The following RAPGEF2 variants were observed in gnomAD, a reference collection of about 807,000 sequenced individuals.
The protein encoded by RAPGEF2 is Rap guanine nucleotide exchange factor 2.
Under a neutral mutation model 186.7 loss-of-function variants are expected in RAPGEF2, and 54 were observed. The ratio of observed to expected loss-of-function variants is 0.29; its 90% CI spans 0.23 to 0.36. The LOEUF (loss-of-function observed/expected upper bound fraction) is 0.36, where lower values mean the gene tolerates loss of function less well. RAPGEF2 is among the 10% of genes least tolerant of loss of function. The pLI, the probability that RAPGEF2 is intolerant of heterozygous loss-of-function variation, is 1.00. For synonymous variants in RAPGEF2, 712 were observed against 705.9 expected (o/e 1.01, Z -0.14); for missense variants, 1,532 against 2,045.0 (o/e 0.75, Z 4.84).
At chr4:159,161,163 A>G (rs1171122103) in intron 1 of RAPGEF2, among the ~76,000 whole-genome samples, 5 of 152,212 alleles carry the variant, frequency 3.3e-5, no homozygotes, top group Non-Finnish European at 7.3e-5. Flanking sequence ...GTCATCCTAA[A>G]GATTTTGAGA....
chr4:159,291,951 C>T (rs2110962514), intron 7 of RAPGEF2, among the ~76,000 whole-genome samples: 1 of 152,218 alleles, frequency 6.6e-6, no homozygotes, highest in African/African-American at 2.4e-5. Flanking sequence ...TTTTAATTGT[C>T]CATAATCCTA....
intron 7 of RAPGEF2, among the ~76,000 whole-genome samples, chr4:159,284,607 AC>A (rs1288031724): frequency 2.0e-5 from 3 of 152,068 alleles, no homozygotes; most frequent in Non-Finnish European, 2.9e-5. Context: ...ATTCCAATAG[AC>A]ACTTTATCCC....
chr4:159,295,728 TGTG>T (rs1761872832), intron 7 of RAPGEF2, among the ~76,000 whole-genome samples: 1 of 75,718 alleles, frequency 1.3e-5, no homozygotes, highest in Admixed American at 1.2e-4. Context: ...TGAGTGTGTG[TGTG>T]TGTGTGTGTG....
chr4:159,188,132 C>T (rs868108600), intron 2 of RAPGEF2, among the ~76,000 whole-genome samples: 5 of 152,110 alleles, frequency 3.3e-5, no homozygotes, highest in East Asian at 1.9e-4. Context: ...TATTTTGTGA[C>T]GACAACTTTG....
chr4:159,207,670 A>G (rs1182928005), intron 3 of RAPGEF2, among the ~76,000 whole-genome samples: 1 of 152,152 alleles, frequency 6.6e-6, no homozygotes, highest in Non-Finnish European at 1.5e-5. Flanking sequence ...AATCTACCTT[A>G]ATTTCCTATT....
In RAPGEF2 at chr4:159,199,165, A is replaced by G. The variant is rs564801827; in HGVS notation, c.197+5909A>G. Among the ~76,000 whole-genome samples, 29 of 152,228 alleles carry G rather than the reference A, an allele frequency of 1.9e-4. 1 individual carries two copies. In the South Asian group the frequency reaches 6.0e-3, roughly 32 times the overall value. Reference sequence around the variant, plus strand: ...TGGAATTGTAGGACACGGGTGCTCAACCACCTCGCCTGTATGTAAGTATGA... The same window carrying G: ...TGGAATTGTAGGACACGGGTGCTCAGCCACCTCGCCTGTATGTAAGTATGA... On this transcript the variant is annotated intron_variant, in intron 3 of 29. Coordinates refer to ENST00000691494, the MANE Select transcript of RAPGEF2 (RefSeq NM_001394067.2).
intron 24 of RAPGEF2, 102 bp from the exon 25 acceptor site, chr4:159,346,687 T>C (rs996150658): frequency 2.0e-6 from 2 of 980,524 alleles, no homozygotes; most frequent in Admixed American, 2.2e-5. Context: ...TAATTTAGTA[T>C]TCTAACTGCA....
intron 1 of RAPGEF2, among the ~76,000 whole-genome samples, chr4:159,172,246 T>C (rs1745986471): frequency 6.6e-6 from 1 of 152,186 alleles, no homozygotes; most frequent in African/African-American, 2.4e-5. Flanking sequence ...CTTCTTCCTG[T>C]ATGGGTCCTG....
At position 159,185,355 on chromosome 4, in the gene RAPGEF2, G is replaced by A. The variant is rs190036043; in HGVS notation, c.70-1287G>A. ...AGAATTCAAAATGGTGTTCAAACAA[G>A]AACTTACGCATGAGTTTGTAGCAGC... On this transcript the variant is annotated intron_variant, in intron 1 of 29. Coordinates refer to ENST00000691494, the MANE Select transcript of RAPGEF2 (RefSeq NM_001394067.2). Among the ~76,000 whole-genome samples, 329 of 152,230 alleles carry A rather than the reference G, an allele frequency of 2.2e-3. 2 individuals are homozygous for A. Among genetic ancestry groups the A allele is most frequent in the African/African-American group, 7.3e-3 (305 of 41,528 alleles).
intron 4 of RAPGEF2, 24 bp from the exon 5 acceptor site, chr4:159,238,785 G>A (rs1753602574): frequency 6.7e-7 from 1 of 1,489,630 alleles, no homozygotes; most frequent in Non-Finnish European, 8.9e-7. Context: ...TCTCCTCATT[G>A]ATTTTTTTTT....
rs115757964 is a variant in RAPGEF2 at position 159,129,564 on chromosome 4, C to T, written c.69+25333C>T. On this transcript the variant is annotated intron_variant, in intron 1 of 29. Transcript: ENST00000691494. The stretch of plus-strand genomic sequence containing the variant: ...GCATGAGGTACTATTATCAATTTAC[C>T]AATGAAGAAACTGAGATGCAGGGAT... 6.2e-3 allele frequency among the ~76,000 whole-genome samples: 942 copies of T among 152,212 alleles called. 3 individuals are homozygous for T. Among genetic ancestry groups the T allele is most frequent in the Middle Eastern group, 0.01 (3 of 294 alleles).
intron 28 of RAPGEF2, among the ~76,000 whole-genome samples, chr4:159,355,622 A>C (rs1177909839): frequency 1.3e-5 from 2 of 152,206 alleles, no homozygotes; most frequent in African/African-American, 2.4e-5. Context: ...TAGATGGACT[A>C]GCAGCTTCTC....
intron 25 of RAPGEF2, 47 bp downstream of exon 25, chr4:159,347,045 G>A (rs1274737822): frequency 3.3e-6 from 5 of 1,522,500 alleles, no homozygotes; most frequent in Non-Finnish European, 9.0e-7. Flanking sequence ...TCACTGTCAT[G>A]GTTTGCAAAT....
chr4:159,346,672 TG>T lies in RAPGEF2; in HGVS notation c.3503-116del, dbSNP rs1233289556. 8.4e-6 allele frequency: 7 copies of T among 828,594 alleles called. No homozygotes were observed. The African/African-American group carries it at 1.2e-4, about 14-fold the overall frequency. The allele number at this position is 828,594 out of a possible 1,614,324, so 51.3% of individuals were successfully genotyped here. A position where few individuals can be genotyped will look rare whatever the true frequency, so the allele number is the denominator to read the frequency against. Reference sequence around the variant, plus strand: ...CATAAAGGCAACAGGAAGAAAGGTGTGCATTAATTTAGTATTCTAACTGCAG... The same window carrying T: ...CATAAAGGCAACAGGAAGAAAGGTGTCATTAATTTAGTATTCTAACTGCAG... On this transcript the variant is annotated intron_variant, in intron 24 of 29. Coordinates refer to ENST00000691494, the MANE Select transcript of RAPGEF2 (RefSeq NM_001394067.2).
intron 1 of RAPGEF2, among the ~76,000 whole-genome samples, chr4:159,105,442 G>A (rs1351380060): frequency 6.6e-6 from 1 of 152,206 alleles, no homozygotes; most frequent in Non-Finnish European, 1.5e-5. Flanking sequence ...AGCCCCAAGA[G>A]TGGCACCTGG....
chr4:159,236,501 T>C (rs1360513671), intron 4 of RAPGEF2, among the ~76,000 whole-genome samples: 1 of 152,238 alleles, frequency 6.6e-6, no homozygotes, highest in African/African-American at 2.4e-5. Flanking sequence ...CTTTTGCTGC[T>C]AAAATTTGTA....
In RAPGEF2 at chr4:159,358,296, T is replaced by G. The variant is rs906472733; in HGVS notation, c.*157T>G. The G allele has an allele frequency of 1.5e-6, 1 of 649,620 alleles. No homozygotes were observed. Among genetic ancestry groups the G allele is most frequent in the Non-Finnish European group, 2.6e-6 (1 of 380,042 alleles). 40.2% of individuals were successfully genotyped at this position (649,620 alleles called of 1,614,324 possible). A position where few individuals can be genotyped will look rare whatever the true frequency, so the allele number is the denominator to read the frequency against. ...CAGCATGGGGCTTCTTCTCCCCTTC[T>G]TCCTTTCCCCTTTGCATGTGAAATA... On this transcript the variant is annotated 3_prime_UTR_variant, in exon 30 of 30. Transcript: ENST00000691494.
chr4:159,184,846 G>A (rs2111288940), intron 1 of RAPGEF2, among the ~76,000 whole-genome samples: 1 of 152,214 alleles, frequency 6.6e-6, no homozygotes, highest in South Asian at 2.1e-4. Context: ...GTATTGCCTA[G>A]GTTTTCTTCT....
chr4:159,260,482 A>T (rs2110738445), intron 7 of RAPGEF2, among the ~76,000 whole-genome samples: 1 of 152,106 alleles, frequency 6.6e-6, no homozygotes, highest in East Asian at 1.9e-4. Context: ...CCGCCAGCTG[A>T]TGTTTGGTAA....
Sources: allele counts gnomAD v4.1 joint callset (sites outside exome capture counted in the v4.1 genomes callset), GRCh38; gene constraint gnomAD v4.1.1; transcripts MANE v1.5; gene names NCBI Gene and HGNC (gene_info 2026-07-23, HGNC 2026-07-21).